RAPGEF6: variants seen among roughly 807,000 people sequenced by gnomAD.
RAPGEF6 encodes the protein PDZ domain containing guanine nucleotide exchange factor (GEF) 2.
A neutral mutation model predicts 171.4 loss-of-function variants in RAPGEF6; 56 were observed. The observed-to-expected ratio is 0.33, with a 90% CI of 0.26 to 0.41. RAPGEF6 has a LOEUF of 0.41. RAPGEF6 is among the 10% of genes least tolerant of loss of function. RAPGEF6 has a pLI of 1.00. For synonymous variants in RAPGEF6, 692 were observed against 650.1 expected, an observed-to-expected ratio of 1.06 and a Z score of -0.98; for missense variants, 1,674 against 1,921.4, an observed-to-expected ratio of 0.87 and a Z score of 2.41.
chr5:131,446,378 TGTGA>T, intron 22 of RAPGEF6, 101 bp downstream of exon 22: 1 of 1,080,956 alleles, frequency 9.3e-7, no homozygotes, highest in Non-Finnish European at 1.3e-6. Flanking sequence ...AGCAATCTTT[TGTGA>T]GTGAAAGTTA....
At chr5:131,615,810 G>A (rs1208859831) in intron 1 of RAPGEF6, among the ~76,000 whole-genome samples, 2 of 152,066 alleles carry the variant, frequency 1.3e-5, no homozygotes, top group Admixed American at 1.3e-4. Context: ...GCTGAGGCAT[G>A]AGAATTGCTT....
At chr5:131,509,156 G>A (rs1004970771) in intron 8 of RAPGEF6, among the ~76,000 whole-genome samples, 2 of 152,178 alleles carry the variant, frequency 1.3e-5, no homozygotes, top group African/African-American at 2.4e-5. Context: ...GCATCTTAAA[G>A]ATAACATTAA....
chr5:131,550,592 A>G (rs1760859114), intron 5 of RAPGEF6, among the ~76,000 whole-genome samples: 1 of 152,216 alleles, frequency 6.6e-6, no homozygotes, highest in South Asian at 2.1e-4. Flanking sequence ...TAATCTGCCA[A>G]GTAACTTATT....
chr5:131,565,583 T>C (rs1761881808), intron 4 of RAPGEF6, among the ~76,000 whole-genome samples: 1 of 152,176 alleles, frequency 6.6e-6, no homozygotes, highest in Admixed American at 6.5e-5. Flanking sequence ...ATATTTATAA[T>C]ATCAGATTCT....
chr5:131,427,596 G>A (rs1181863695), intron 27 of RAPGEF6, among the ~76,000 whole-genome samples: 3 of 152,090 alleles, frequency 2.0e-5, no homozygotes, highest in Non-Finnish European at 2.9e-5. Flanking sequence ...CAAGACTTTT[G>A]CTAATAAAAG....
intron 17 of RAPGEF6, chr5:131,469,887 C>A: frequency 2.4e-6 from 3 of 1,230,094 alleles, no homozygotes; most frequent in Non-Finnish European, 2.2e-6. Flanking sequence ...GTAGCTTTGC[C>A]CCCACTTTCA....
chr5:131,548,010 T>G lies in RAPGEF6; in HGVS notation c.495+37A>C, dbSNP rs369233855. ...AATTAAAGATACTAGATATGAAAATTAAGGAAGATTCATGAAGTGTTCCTA... is the reference window on the plus strand; with the variant it reads ...AATTAAAGATACTAGATATGAAAATGAAGGAAGATTCATGAAGTGTTCCTA... On this transcript the variant is annotated intron_variant, in intron 6 of 27. Transcript: ENST00000509018. 2.4e-5 allele frequency: 39 copies of G among 1,595,288 alleles called. No individual in the cohort carries two copies. The Middle Eastern group carries it at 1.2e-3, about 48-fold the overall frequency.
Position 131,451,109 on chromosome 5 carries a change from T to C in RAPGEF6, c.3200+1945A>G, listed in dbSNP as rs961528356. ...ACAAACCCTTCTTTGCTTTGGTACCTAGTTCTTACTATTTTCTGCTTCCAC... is the reference window on the plus strand; with the variant it reads ...ACAAACCCTTCTTTGCTTTGGTACCCAGTTCTTACTATTTTCTGCTTCCAC... On this transcript the variant is annotated intron_variant, in intron 21 of 27. Transcript: ENST00000509018. Among the ~76,000 whole-genome samples, 6 of 152,344 alleles carry C rather than the reference T, an allele frequency of 3.9e-5. No individual in the cohort carries two copies. In the East Asian group the frequency reaches 1.2e-3, roughly 29 times the overall value.
At chr5:131,516,092 T>G in intron 7 of RAPGEF6, among the ~76,000 whole-genome samples, 2 of 48,980 alleles carry the variant, frequency 4.1e-5, no homozygotes, top group East Asian at 5.2e-4. Flanking sequence ...TTTTTTTTTT[T>G]TTTTTTTTTT....
intron 4 of RAPGEF6, among the ~76,000 whole-genome samples, chr5:131,574,221 C>A (rs1384900804): frequency 6.6e-6 from 1 of 152,174 alleles, no homozygotes; most frequent in Non-Finnish European, 1.5e-5. Context: ...TGTGCGGGAC[C>A]CCACTGGAAG....
chr5:131,625,057 T>C (rs542551466), intron 1 of RAPGEF6, among the ~76,000 whole-genome samples: 2 of 151,788 alleles, frequency 1.3e-5, no homozygotes, highest in Non-Finnish European at 2.9e-5. Flanking sequence ...AGGTCAGCAG[T>C]TCGAGACCAG....
chr5:131,465,644 G>T (rs1754283744), intron 17 of RAPGEF6, among the ~76,000 whole-genome samples: 1 of 152,082 alleles, frequency 6.6e-6, no homozygotes, highest in African/African-American at 2.4e-5. Flanking sequence ...TTAGCTGGGT[G>T]TGGTGGCACA....
At chr5:131,514,494 T>C (rs983553897) in intron 7 of RAPGEF6, among the ~76,000 whole-genome samples, 1 of 152,100 alleles carries the variant, frequency 6.6e-6, no homozygotes, top group Non-Finnish European at 1.5e-5. Flanking sequence ...CAGGGAAATG[T>C]GACCTATAAA....
chr5:131,463,214 C>T (rs555790774), intron 18 of RAPGEF6, among the ~76,000 whole-genome samples: 70 of 152,252 alleles, frequency 4.6e-4, no homozygotes, highest in Admixed American at 1.0e-3. Context: ...TTCACAGCAA[C>T]CATGGCATGC....
intron 23 of RAPGEF6, 151 bp downstream of exon 23, chr5:131,442,198 C>T: frequency 1.3e-6 from 1 of 742,940 alleles, no homozygotes. Flanking sequence ...CATCTATAGG[C>T]AAAATGAAAT....
intron 1 of RAPGEF6, among the ~76,000 whole-genome samples, chr5:131,618,600 T>C (rs752914277): frequency 1.1e-4 from 16 of 152,140 alleles, no homozygotes; most frequent in Non-Finnish European, 1.9e-4. Flanking sequence ...ATCACACCAC[T>C]GCACTGCAGC....
At chr5:131,466,557 C>A (rs376279076) in intron 17 of RAPGEF6, among the ~76,000 whole-genome samples, 1 of 152,144 alleles carries the variant, frequency 6.6e-6, no homozygotes, top group Non-Finnish European at 1.5e-5. Context: ...GTGAGTCTTT[C>A]TCATGCTGTT....
At chr5:131,598,558 G>A (rs2150009736) in intron 3 of RAPGEF6, among the ~76,000 whole-genome samples, 1 of 152,168 alleles carries the variant, frequency 6.6e-6, no homozygotes, top group East Asian at 1.9e-4. Context: ...AGCAGTCAGA[G>A]GAAAAAACAT....
chr5:131,597,303 T>C lies in RAPGEF6; in HGVS notation c.198-4837A>G, dbSNP rs562342983. Among the ~76,000 whole-genome samples, 454 of 150,230 alleles carry C rather than the reference T, an allele frequency of 3.0e-3. 1 individual carries two copies. The highest frequency in any genetic ancestry group is 0.01 in the African/African-American group (422 of 40,660). ...TTAGTAGTTATTATGGAAAACAATA[T>C]GGAGGTTACTAAAAAAAAAAAAAAT... On this transcript the variant is annotated intron_variant, in intron 3 of 27. Transcript: ENST00000509018.
Sources: allele counts gnomAD v4.1 joint callset (sites outside exome capture counted in the v4.1 genomes callset), GRCh38; gene constraint gnomAD v4.1.1; transcripts MANE v1.5; gene names NCBI Gene and HGNC (gene_info 2026-07-23, HGNC 2026-07-21).